Variants in GTSE1 observed in about 807,000 individuals in gnomAD.
GTSE1 encodes the protein G2 and S phase-expressed protein 1.
GTSE1 carries 52 observed loss-of-function variants against 60.5 expected under a neutral mutation model. The observed-to-expected ratio is 0.86, with a 90% CI of 0.69 to 1.08. The LOEUF (loss-of-function observed/expected upper bound fraction) is 1.08. Ranked by LOEUF, GTSE1 falls within the 50% of genes least tolerant of loss-of-function variation. The probability of loss-of-function intolerance (pLI) is 0.00; values close to 1 mark genes in which losing one functional copy is unlikely to be tolerated. For synonymous variants in GTSE1, 368 were observed against 386.5 expected (o/e 0.95, Z 0.56); for missense variants, 937 against 961.8 (o/e 0.97, Z 0.34).
In GTSE1 at chr22:46,328,904, C is replaced by T. The variant is rs77275241; in HGVS notation, c.1926+15C>T. On this transcript the variant is annotated intron_variant, in intron 10 of 11. Transcript: ENST00000454366. ...CCCCTAGTGAGGTGGGCAGAACGGG[C>T]GCAGCTGGGTTCTGTTAGCTGAGAT... 2,997 of 1,598,120 alleles carry T rather than the reference C, an allele frequency of 1.9e-3. 38 individuals carry two copies. In the African/African-American group the frequency reaches 0.032, roughly 17 times the overall value.
chr22:46,329,690 A>G lies in GTSE1; in HGVS notation c.2136+123A>G, dbSNP rs1000845336. 3.9e-5 allele frequency: 30 copies of G among 759,636 alleles called. No individual in the cohort carries two copies. The highest frequency in any genetic ancestry group is 6.4e-5 in the Non-Finnish European group (28 of 435,800). 47.1% of individuals were successfully genotyped at this position (759,636 alleles called of 1,614,324 possible). On this transcript the variant is annotated intron_variant, in intron 11 of 11. Coordinates refer to ENST00000454366, the MANE Select transcript of GTSE1 (RefSeq NM_016426.7). The surrounding 1 kb of genome is among the most constrained non-coding windows in gnomAD (Gnocchi z 6.4). ...GGCTGTTGAGTCTTCTCAGCTACAC[A>G]CCTCAGGGCAGGATGCACCTTTGGC...
chr22:46,308,184 C>A lies in GTSE1; in HGVS notation c.114C>A (p.Phe38Leu). The A allele has an allele frequency of 6.2e-7, 1 of 1,613,286 alleles. No homozygotes were observed. Among genetic ancestry groups the A allele is most frequent in the Non-Finnish European group, 8.5e-7 (1 of 1,179,274 alleles). Residue 38 changes from phenylalanine (F) to leucine (L), a missense_variant, in exon 3 of 12, where the codon TTC becomes TTA. Phe to Leu is a conservative substitution (Grantham distance 22). Coordinates refer to ENST00000454366, the MANE Select transcript of GTSE1 (RefSeq NM_016426.7). ...TTTTGGCCGATGAAAAATTTGACTTCGATCTTTCATTGTCTTCTTCGAGGT... is the reference window on the plus strand; with the variant it reads ...TTTTGGCCGATGAAAAATTTGACTTAGATCTTTCATTGTCTTCTTCGAGGT... The part of the protein sequence containing the change: ...ILLLADEKFD[F>L]DLSLSSSSAN...
Position 46,317,383 on chromosome 22 carries a change from T to C in GTSE1, c.1432+971T>C, listed in dbSNP as rs1265346386. 6.6e-6 allele frequency among the ~76,000 whole-genome samples: 1 copy of C among 152,208 alleles called. No homozygotes were observed. The highest frequency in any genetic ancestry group is 1.9e-4 in the East Asian group (1 of 5,200). On this transcript the variant is annotated intron_variant, in intron 7 of 11. Transcript: ENST00000454366. The surrounding 1 kb of genome is among the most constrained non-coding windows in gnomAD (Gnocchi z 5.6). ...TAACTTTGTTTCTAACATAATAGTT[T>C]CCCCTTATTTCTTCTCATGGTACTT...
rs577114666 is a variant in GTSE1 at position 46,319,030 on chromosome 22, T to C, written c.1432+2618T>C. On this transcript the variant is annotated intron_variant, in intron 7 of 11. Transcript: ENST00000454366. The surrounding 1 kb of genome is among the most constrained non-coding windows in gnomAD (Gnocchi z 5.0). The stretch of plus-strand genomic sequence containing the variant: ...TGTCCCATTGAGTACGACGCTTCCC[T>C]GCACAGGATGCTAGGACACGTTGTC... 1.3e-3 allele frequency among the ~76,000 whole-genome samples: 198 copies of C among 152,330 alleles called. No homozygotes were observed. The highest frequency in any genetic ancestry group is 4.4e-3 in the African/African-American group (183 of 41,582).
At chr22:46,326,268 G>GC (rs2077843048) in intron 8 of GTSE1, among the ~76,000 whole-genome samples, 168 bp from the exon 9 acceptor site, 1 of 152,172 alleles carries the variant, frequency 6.6e-6, no homozygotes, top group Non-Finnish European at 1.5e-5. Flanking sequence ...TCGGAGCCTT[G>GC]CCCGCCTTGG....
chr22:46,312,791 G>A (rs969322767), intron 5 of GTSE1, among the ~76,000 whole-genome samples: 11 of 152,130 alleles, frequency 7.2e-5, no homozygotes, highest in Admixed American at 3.9e-4. Context: ...TCAGCGTCTC[G>A]GAGCCCCAGT....
In GTSE1 at chr22:46,318,624, C is replaced by T. The variant is rs554847580; in HGVS notation, c.1432+2212C>T. On this transcript the variant is annotated intron_variant, in intron 7 of 11. Coordinates refer to ENST00000454366, the MANE Select transcript of GTSE1 (RefSeq NM_016426.7). This position sits in a 1 kb window ranked among gnomAD's most constrained non-coding sequence, Gnocchi z 4.8. ...AGGTGACACGGGACTGAGATCTGAACCAGGAGACTGAGGCAGCCGGTAGGA... is the reference window on the plus strand; with the variant it reads ...AGGTGACACGGGACTGAGATCTGAATCAGGAGACTGAGGCAGCCGGTAGGA... Among the ~76,000 whole-genome samples the T allele has an allele frequency of 1.3e-5, 2 of 152,166 alleles. No individual in the cohort carries two copies. Among genetic ancestry groups the T allele is most frequent in the South Asian group, 4.2e-4 (2 of 4,818 alleles).
At chr22:46,306,812 A>G (rs1017268596) in intron 2 of GTSE1, among the ~76,000 whole-genome samples, 6 of 152,222 alleles carry the variant, frequency 3.9e-5, no homozygotes, top group African/African-American at 1.4e-4. Context: ...AGATAAAAAC[A>G]TTTATGGGAG....
rs531827121 is a variant in GTSE1, at chr22:46,329,716, A to G, written c.2136+149A>G. 2 of 686,626 alleles carry G rather than the reference A, an allele frequency of 2.9e-6. No individual in the cohort carries two copies. The highest frequency in any genetic ancestry group is 3.5e-5 in the South Asian group (2 of 57,728). The allele number at this position is 686,626 out of a possible 1,614,324, so 42.5% of individuals were successfully genotyped here. A position where few individuals can be genotyped will look rare whatever the true frequency, so the allele number is the denominator to read the frequency against. On this transcript the variant is annotated intron_variant, in intron 11 of 11. Coordinates refer to ENST00000454366, the MANE Select transcript of GTSE1 (RefSeq NM_016426.7). This position sits in a 1 kb window ranked among gnomAD's most constrained non-coding sequence, Gnocchi z 6.4. ...CCTCAGGGCAGGATGCACCTTTGGC[A>G]GCCTGAGCTTCTCAAAGATCAGCTG...
chr22:46,311,712 G>A (rs1186289361), intron 4 of GTSE1, among the ~76,000 whole-genome samples: 1 of 152,190 alleles, frequency 6.6e-6, no homozygotes, highest in Non-Finnish European at 1.5e-5. Flanking sequence ...ATGGCTTTCA[G>A]TACTAGACCA....
intron 9 of GTSE1, 117 bp from the exon 10 acceptor site, chr22:46,328,570 AG>A: frequency 1.4e-6 from 1 of 719,870 alleles, no homozygotes; most frequent in Non-Finnish European, 2.4e-6. Context: ...TGAAGGCCCT[AG>A]AGCCGGGACG....
At position 46,318,265 on chromosome 22, in the gene GTSE1, T is replaced by C. The variant is rs781217286; in HGVS notation, c.1432+1853T>C. Among the ~76,000 whole-genome samples the C allele has an allele frequency of 1.1e-4, 17 of 152,292 alleles. No homozygotes were observed. Among genetic ancestry groups the C allele is most frequent in the Non-Finnish European group, 1.9e-4 (13 of 68,028 alleles). On this transcript the variant is annotated intron_variant, in intron 7 of 11. Transcript: ENST00000454366. The surrounding 1 kb of genome is among the most constrained non-coding windows in gnomAD (Gnocchi z 4.8). ...CCTCCTCTGTCAGGCAGATCTGCCCTCTGGGTGCTTGAGGATTTTAAGTTC... is the reference window on the plus strand; with the variant it reads ...CCTCCTCTGTCAGGCAGATCTGCCCCCTGGGTGCTTGAGGATTTTAAGTTC...
Position 46,317,182 on chromosome 22 carries a change from G to C in GTSE1, c.1432+770G>C, listed in dbSNP as rs557914841. Among the ~76,000 whole-genome samples, 2 of 152,098 alleles carry C rather than the reference G, an allele frequency of 1.3e-5. No individual in the cohort carries two copies. Among genetic ancestry groups the C allele is most frequent in the Admixed American group, 1.3e-4 (2 of 15,252 alleles). ...GGGTTTCGCCATGTTGGCCAGGCTG[G>C]TCTGGAACTCCTGACCTCAAGTGAC... is the stretch of plus-strand genomic sequence containing the variant. On this transcript the variant is annotated intron_variant, in intron 7 of 11. Transcript: ENST00000454366. This position sits in a 1 kb window ranked among gnomAD's most constrained non-coding sequence, Gnocchi z 5.6.
chr22:46,308,387 T>C lies in GTSE1; in HGVS notation c.206T>C (p.Leu69Ser), dbSNP rs1457766284. Reference sequence around the variant, plus strand: ...AAAGAAAGATGTATTGCTGCCAGCTTGGAATTAAATAATCCGGTTCCCGAA... The same window carrying C: ...AAAGAAAGATGTATTGCTGCCAGCTCGGAATTAAATAATCCGGTTCCCGAA... ...GHKERCIAAS[L>S]ELNNPVPEQP... The change falls in exon 4 of 12, where the codon TTG becomes TCG. Residue 69 changes from leucine (L) to serine (S), a missense_variant. Physicochemically the swap from Leu to Ser is moderately radical, Grantham distance 145. Coordinates refer to ENST00000454366, the MANE Select transcript of GTSE1 (RefSeq NM_016426.7). 6.2e-7 allele frequency: 1 copy of C among 1,614,202 alleles called. No homozygotes were observed. The highest frequency in any genetic ancestry group is 8.5e-7 in the Non-Finnish European group (1 of 1,179,994).
At chr22:46,325,091 G>A (rs1176791528) in intron 8 of GTSE1, among the ~76,000 whole-genome samples, 1 of 152,172 alleles carries the variant, frequency 6.6e-6, no homozygotes, top group Non-Finnish European at 1.5e-5. Flanking sequence ...CAAGATCAAG[G>A]CACCTGCAGA....
intron 10 of GTSE1, 62 bp downstream of exon 10, chr22:46,328,951 C>A: frequency 7.6e-7 from 1 of 1,324,372 alleles, no homozygotes; most frequent in African/African-American, 1.4e-5. Context: ...GCTCGGGAAG[C>A]CCGTGGAACC....
chr22:46,305,714 C>G (rs1424899822), intron 2 of GTSE1, among the ~76,000 whole-genome samples: 9 of 151,914 alleles, frequency 5.9e-5, no homozygotes, highest in Non-Finnish European at 1.0e-4. Context: ...TGAGACCAGC[C>G]TGGCCAACAT....
rs1197559509 is a variant in GTSE1, at chr22:46,318,839, C to A, written c.1432+2427C>A. On this transcript the variant is annotated intron_variant, in intron 7 of 11. Coordinates refer to ENST00000454366, the MANE Select transcript of GTSE1 (RefSeq NM_016426.7). The surrounding 1 kb of genome is among the most constrained non-coding windows in gnomAD (Gnocchi z 4.8). ...CCTTGGTGTCAGGGACCCAGGCTTACTCCATCCTGTGCTGCCGTGATGAGC... is the reference window on the plus strand; with the variant it reads ...CCTTGGTGTCAGGGACCCAGGCTTAATCCATCCTGTGCTGCCGTGATGAGC... Among the ~76,000 whole-genome samples, 1 of 152,146 alleles carries A rather than the reference C, an allele frequency of 6.6e-6. No individual in the cohort carries two copies. Among genetic ancestry groups the A allele is most frequent in the Non-Finnish European group, 1.5e-5 (1 of 68,032 alleles).
Position 46,297,448 on chromosome 22 carries a change from G to T in GTSE1, c.48G>T (p.Gly16=), listed in dbSNP as rs747474963. ...GRDEPSACRA[G]DVNMDDPKKE... ...ATGAGCCTTCAGCCTGCCGGGCAGG[G>T]GACGTGAACATGGATGACCCTAAGA... The change falls in exon 2 of 12, where the codon GGG becomes GGT. Residue 16 remains glycine, a synonymous_variant. Coordinates refer to ENST00000454366, the MANE Select transcript of GTSE1 (RefSeq NM_016426.7). The surrounding 1 kb of genome is among the most constrained non-coding windows in gnomAD (Gnocchi z 4.9). 1.2e-5 allele frequency: 19 copies of T among 1,613,672 alleles called. No homozygotes were observed. In the Middle Eastern group the frequency reaches 2.3e-3, roughly 195 times the overall value.
Sources: allele counts gnomAD v4.1 joint callset (sites outside exome capture counted in the v4.1 genomes callset), GRCh38; gene constraint gnomAD v4.1.1; non-coding constraint Gnocchi (gnomAD v3.1); transcripts MANE v1.5; gene names NCBI Gene and HGNC (gene_info 2026-07-23, HGNC 2026-07-21).